ZNF83: variants seen among roughly 807,000 people sequenced by gnomAD.
The protein encoded by ZNF83 is zinc finger protein 816B.
For missense variants in ZNF83, 552 were observed against 629.9 expected (o/e 0.88, Z 1.32); for synonymous variants, 209 against 213.0 (o/e 0.98, Z 0.17).
chr19:52,638,877 G>C (rs984227680), upstream of ZNF83, among the ~76,000 whole-genome samples: 2 of 152,184 alleles, frequency 1.3e-5, no homozygotes, highest in African/African-American at 2.4e-5. Flanking sequence ...TGAGGTCCCA[G>C]CTATTCAGGA....
At chr19:52,620,351 C>T (rs1011305321) in intron 2 of ZNF83, among the ~76,000 whole-genome samples, 1 of 150,242 alleles carries the variant, frequency 6.7e-6, no homozygotes. Context: ...GGAACTTTGG[C>T]AGTTGAGGGC....
At chr19:52,670,276 T>G (rs1014872847) in intron 1 of ZNF83, among the ~76,000 whole-genome samples, 2 of 152,204 alleles carry the variant, frequency 1.3e-5, no homozygotes, top group African/African-American at 4.8e-5. Flanking sequence ...ACATTTTTCC[T>G]GCCAAACCAC....
At chr19:52,619,168 T>C (rs1286476400) in intron 2 of ZNF83, 8 of 1,608,252 alleles carry the variant, frequency 5.0e-6, no homozygotes, top group Non-Finnish European at 5.1e-6. Flanking sequence ...GTGAATGTTC[T>C]GACAAATCTG....
At chr19:52,655,510 C>A in intron 3 of ZNF83, 2 of 1,418,132 alleles carry the variant, frequency 1.4e-6, no homozygotes. Flanking sequence ...CCAGGAAGAG[C>A]CAAGATAGAC....
chr19:52,669,998 C>A (rs990532042), intron 1 of ZNF83, among the ~76,000 whole-genome samples: 15 of 152,342 alleles, frequency 9.8e-5, no homozygotes, highest in African/African-American at 3.4e-4. Context: ...TTCTAAATTT[C>A]TTTTCAAAGA....
In ZNF83 at chr19:52,687,596, AATG is replaced by A. The variant is rs1205290395; in HGVS notation, c.-283+2844_-283+2846del. On this transcript the variant is annotated intron_variant, in intron 1 of 5. Transcript: ENST00000594682. The stretch of plus-strand genomic sequence containing the variant: ...ATAAATTTTATATATATATATATAT[AATG>A]TATATATATATAATGTGTATATATA... Among the ~76,000 whole-genome samples the A allele has an allele frequency of 1.2e-3, 20 of 17,036 alleles. 1 individual carries two copies. Among genetic ancestry groups the A allele is most frequent in the African/African-American group, 7.5e-3 (15 of 1,994 alleles). 11.2% of individuals were successfully genotyped at this position (17,036 alleles called of 152,430 possible). A position where few individuals can be genotyped will look rare whatever the true frequency, so the allele number is the denominator to read the frequency against.
intron 1 of ZNF83, among the ~76,000 whole-genome samples, chr19:52,674,571 G>T (rs907288883): frequency 6.6e-6 from 1 of 152,152 alleles, no homozygotes; most frequent in Non-Finnish European, 1.5e-5. Flanking sequence ...AACATTCAGT[G>T]GATTTGCAGA....
intron 1 of ZNF83, among the ~76,000 whole-genome samples, chr19:52,677,837 G>C (rs966182257): frequency 6.6e-6 from 1 of 151,954 alleles, no homozygotes; most frequent in African/African-American, 2.4e-5. Context: ...TTCAAGACCA[G>C]CCTGACTAGC....
chr19:52,638,974 C>T (rs1246189762), upstream of ZNF83, among the ~76,000 whole-genome samples: 1 of 152,172 alleles, frequency 6.6e-6, no homozygotes, highest in East Asian at 1.9e-4. Flanking sequence ...CTCCCTTCCT[C>T]GTCTCTCTCT....
chr19:52,687,635 A>ATATATATATATATATAATGTGTG (rs2062066087), intron 1 of ZNF83, among the ~76,000 whole-genome samples: 4 of 14,728 alleles, frequency 2.7e-4, no homozygotes, highest in African/African-American at 1.9e-3. Flanking sequence ...TATATAATGT[A>ATATATATATATATATAATGTGTG]TATATATATA....
At chr19:52,690,320 G>C (rs553254489) in intron 1 of ZNF83, 1 of 152,920 alleles carries the variant, frequency 6.5e-6, no homozygotes, top group African/African-American at 2.4e-5. Context: ...TCACGGGGAT[G>C]TCTCTATTTG....
intron 1 of ZNF83, among the ~76,000 whole-genome samples, chr19:52,683,958 G>A (rs2061971019): frequency 6.6e-6 from 1 of 152,086 alleles, no homozygotes; most frequent in Non-Finnish European, 1.5e-5. Context: ...TTCTGGGCGG[G>A]CACAGTGACT....
intron 3 of ZNF83, among the ~76,000 whole-genome samples, chr19:52,645,189 C>A (rs935876959): frequency 1.3e-5 from 2 of 152,080 alleles, no homozygotes; most frequent in African/African-American, 4.8e-5. Flanking sequence ...AATAGACTAA[C>A]TGGTTAAACT....
At chr19:52,668,090 A>C (rs2061677959) in intron 1 of ZNF83, among the ~76,000 whole-genome samples, 1 of 152,122 alleles carries the variant, frequency 6.6e-6, no homozygotes, top group African/African-American at 2.4e-5. Context: ...TTTATCCTCC[A>C]CCTTCTCTTC....
intron 1 of ZNF83, among the ~76,000 whole-genome samples, chr19:52,663,536 A>T (rs1040645173): frequency 1.3e-5 from 2 of 152,228 alleles, no homozygotes; most frequent in Non-Finnish European, 2.9e-5. Context: ...ATCAGATGAC[A>T]TGAGGAAAGA....
rs1369926557 is a variant in ZNF83 at position 52,687,410 on chromosome 19, AAAT to A, written c.-283+3030_-283+3032del. 7.5e-3 allele frequency among the ~76,000 whole-genome samples: 432 copies of A among 57,800 alleles called. 171 individuals are homozygous for A. The highest frequency in any genetic ancestry group is 0.03 in the African/African-American group (404 of 13,586). The allele number at this position is 57,800 out of a possible 152,430, so 37.9% of individuals were successfully genotyped here. On this transcript the variant is annotated intron_variant, in intron 1 of 5. Coordinates refer to the ZNF83 transcript ENST00000594682. ...ATATATATAATTTATATAGCTATAT[AAAT>A]TATAATATAAATTATAATTTATATA...
intron 1 of ZNF83, among the ~76,000 whole-genome samples, chr19:52,686,634 C>A (rs1338006811): frequency 6.6e-6 from 1 of 152,008 alleles, no homozygotes; most frequent in East Asian, 1.9e-4. Flanking sequence ...AGTGCAGCAA[C>A]ATGATTTCAG....
At chr19:52,616,742 C>G (rs1321726424) in intron 2 of ZNF83, 1 of 152,168 alleles carries the variant, frequency 6.6e-6, no homozygotes, top group African/African-American at 2.4e-5. Context: ...ACTTCTGAGG[C>G]TGAGGCGGGA....
chr19:52,675,370 G>C (rs2061785138), intron 1 of ZNF83, among the ~76,000 whole-genome samples: 1 of 152,220 alleles, frequency 6.6e-6, no homozygotes, highest in Admixed American at 6.5e-5. Context: ...GAAATGACCA[G>C]TCACAGAAAA....
Sources: allele counts gnomAD v4.1 joint callset (sites outside exome capture counted in the v4.1 genomes callset), GRCh38; gene constraint gnomAD v4.1.1; transcripts MANE v1.5; gene names NCBI Gene and HGNC (gene_info 2026-07-23, HGNC 2026-07-21).